Variants in TAB2 observed in about 807,000 individuals in gnomAD.
TAB2 encodes TGF-beta activated kinase 1 (MAP3K7) binding protein 2.
Under a neutral mutation model 65.0 loss-of-function variants are expected in TAB2, and 3 were observed. The ratio of observed to expected loss-of-function variants is 0.05; its 90% CI spans 0.02 to 0.12. TAB2 has a LOEUF of 0.12. Among genes scored for constraint, TAB2 ranks in the 10% least tolerant of loss-of-function variants. TAB2 has a pLI of 1.00. For missense variants in TAB2, 623 were observed against 840.3 expected (o/e 0.74, Z 3.20); for synonymous variants, 298 against 285.1 (o/e 1.05, Z -0.46).
At chr6:149,287,451 A>G (rs1203237745) in intron 1 of TAB2, among the ~76,000 whole-genome samples, 1 of 150,700 alleles carries the variant, frequency 6.6e-6, no homozygotes, top group African/African-American at 2.4e-5. Context: ...ATAAAGTTAC[A>G]AGGGAATATA....
chr6:149,276,803 T>C (rs1778482261), intron 1 of TAB2, among the ~76,000 whole-genome samples: 2 of 152,218 alleles, frequency 1.3e-5, no homozygotes, highest in Admixed American at 6.5e-5. Context: ...ATTCCATTTC[T>C]AGGAATTTAT....
At chr6:149,383,425 A>G (rs1323113934) in intron 3 of TAB2, among the ~76,000 whole-genome samples, 2 of 152,174 alleles carry the variant, frequency 1.3e-5, no homozygotes, top group East Asian at 1.9e-4. Context: ...AAACATACCT[A>G]CATACATACA....
chr6:149,261,607 C>T (rs113546544), intron 1 of TAB2, among the ~76,000 whole-genome samples: 235 of 152,260 alleles, frequency 1.5e-3, no homozygotes, highest in Middle Eastern at 3.4e-3. Context: ...CAAAATCCCA[C>T]GGTGTACTGA....
intron 1 of TAB2, chr6:149,304,497 A>T (rs1779024380): frequency 6.6e-6 from 1 of 152,552 alleles, no homozygotes; most frequent in African/African-American, 2.4e-5. Context: ...CTGTTTCTGG[A>T]GTTTCAGAAG....
chr6:149,223,072 T>C (rs1156622779), intron 1 of TAB2, among the ~76,000 whole-genome samples: 1 of 152,256 alleles, frequency 6.6e-6, no homozygotes, highest in African/African-American at 2.4e-5. Context: ...TTCTTTTTTG[T>C]TAAGTAGCAA....
Position 149,399,197 on chromosome 6 carries a change from A to G in TAB2, c.1939+13A>G, listed in dbSNP as rs754128909. The G allele has an allele frequency of 1.2e-6, 2 of 1,610,726 alleles. No homozygotes were observed. Among genetic ancestry groups the G allele is most frequent in the Non-Finnish European group, 1.7e-6 (2 of 1,177,310 alleles). On this transcript the variant is annotated intron_variant, in intron 6 of 6. Coordinates refer to ENST00000637181, the MANE Select transcript of TAB2 (RefSeq NM_001292034.3). ...CCAAAACCCAAAGGTTAGTGTATCCATTAAATGTGAAAACTGTTACTTTTG... is the reference window on the plus strand; with the variant it reads ...CCAAAACCCAAAGGTTAGTGTATCCGTTAAATGTGAAAACTGTTACTTTTG...
chr6:149,254,245 A>C (rs2114660123), intron 1 of TAB2, among the ~76,000 whole-genome samples: 1 of 152,282 alleles, frequency 6.6e-6, no homozygotes, highest in South Asian at 2.1e-4. Flanking sequence ...CCTGAGAACA[A>C]AGTCATCTAT....
At chr6:149,370,837 G>A (rs919700351) in intron 2 of TAB2, among the ~76,000 whole-genome samples, 7 of 151,872 alleles carry the variant, frequency 4.6e-5, no homozygotes, top group Non-Finnish European at 8.8e-5. Context: ...AGGTTGAGGC[G>A]GGTGGATTGC....
intron 1 of TAB2, among the ~76,000 whole-genome samples, chr6:149,236,567 G>T (rs371233807): frequency 3.9e-5 from 6 of 152,330 alleles, no homozygotes; most frequent in Admixed American, 1.3e-4. Flanking sequence ...CCCAGAAAAA[G>T]AGATAGGAGG....
In TAB2 at chr6:149,379,143, T is replaced by A. The variant is rs1192456974; in HGVS notation, c.1228T>A (p.Ser410Thr). Residue 410 changes from serine to threonine, a missense_variant, in exon 3 of 7, where the codon TCC (serine) becomes ACC (threonine). Around this residue, in one of 3 missense-constraint regions of TAB2, gnomAD observed 550 missense variants for 665.7 expected, o/e 0.83. Transcript: ENST00000637181. The stretch of plus-strand genomic sequence containing the variant: ...GCGGAATCAGCCCACACTCTTCATA[T>A]CCACAAACTCTGGAGCATCTGCTGC... The part of the protein sequence containing the change: ...VMRNQPTLFI[S>T]TNSGASAASR... The A allele has an allele frequency of 1.2e-6, 2 of 1,614,126 alleles. No individual in the cohort carries two copies. Among genetic ancestry groups the A allele is most frequent in the Non-Finnish European group, 1.7e-6 (2 of 1,180,016 alleles).
chr6:149,229,757 G>A (rs1346842682), intron 1 of TAB2, among the ~76,000 whole-genome samples: 1 of 152,154 alleles, frequency 6.6e-6, no homozygotes, highest in Non-Finnish European at 1.5e-5. Context: ...CTCATCTTAA[G>A]TTTCTTATTT....
chr6:149,290,428 T>C (rs1266238310), intron 1 of TAB2, among the ~76,000 whole-genome samples: 2 of 152,188 alleles, frequency 1.3e-5, no homozygotes, highest in East Asian at 1.9e-4. Context: ...CACCATCCTA[T>C]AGATTTACTA....
chr6:149,381,373 C>A (rs376456997), intron 3 of TAB2, among the ~76,000 whole-genome samples: 6 of 152,216 alleles, frequency 3.9e-5, no homozygotes, highest in Admixed American at 2.0e-4. Flanking sequence ...GTCCTTCCAT[C>A]AAAACATCAG....
chr6:149,248,221 G>A (rs902260643), intron 1 of TAB2, among the ~76,000 whole-genome samples: 3 of 152,086 alleles, frequency 2.0e-5, no homozygotes, highest in Non-Finnish European at 2.9e-5. Context: ...GCGAAACCCC[G>A]TCTCTACTAA....
At chr6:149,293,063 A>C (rs1174255809) in intron 1 of TAB2, among the ~76,000 whole-genome samples, 3 of 57,268 alleles carry the variant, frequency 5.2e-5, no homozygotes, top group Admixed American at 1.3e-4. Flanking sequence ...AACAACCATG[A>C]GAGAACTCCA....
chr6:149,220,084 G>C (rs1045939489), intron 1 of TAB2, among the ~76,000 whole-genome samples: 1 of 152,186 alleles, frequency 6.6e-6, no homozygotes, highest in African/African-American at 2.4e-5. Flanking sequence ...AGTAAGATGT[G>C]TATGTTTTTA....
chr6:149,273,836 T>A (rs369028139), intron 1 of TAB2, among the ~76,000 whole-genome samples: 1 of 152,218 alleles, frequency 6.6e-6, no homozygotes, highest in African/African-American at 2.4e-5. Flanking sequence ...AAGTCTGACC[T>A]GTAATGGGAC....
chr6:149,356,288 G>A (rs1780651570), intron 1 of TAB2, among the ~76,000 whole-genome samples: 1 of 152,204 alleles, frequency 6.6e-6, no homozygotes, highest in Non-Finnish European at 1.5e-5. Context: ...AAAATTGGGG[G>A]TTAACTGAAA....
chr6:149,355,045 T>G (rs1470609740), intron 1 of TAB2, among the ~76,000 whole-genome samples: 1 of 152,212 alleles, frequency 6.6e-6, no homozygotes, highest in Non-Finnish European at 1.5e-5. Flanking sequence ...GAGGTGAGGA[T>G]TCCCCTCACC....
Sources: allele counts gnomAD v4.1 joint callset (sites outside exome capture counted in the v4.1 genomes callset), GRCh38; gene constraint gnomAD v4.1.1; regional missense constraint gnomAD v4.1.1; transcripts MANE v1.5; gene names NCBI Gene and HGNC (gene_info 2026-07-23, HGNC 2026-07-21).